Variants in RUNDC3B observed in about 807,000 individuals in gnomAD.
RUNDC3B encodes RUN domain-containing protein 3B.
Under a neutral mutation model 58.4 loss-of-function variants are expected in RUNDC3B, and 33 were observed. That is an observed-to-expected ratio of 0.56 (90% confidence interval 0.43 to 0.75). The LOEUF is 0.75. RUNDC3B is among the 30% of genes least tolerant of loss of function. The pLI, the probability that RUNDC3B is intolerant of heterozygous loss-of-function variation, is 0.00. For synonymous variants in RUNDC3B, 193 were observed against 195.2 expected, an observed-to-expected ratio of 0.99 and a Z score of 0.10; for missense variants, 501 against 535.7, an observed-to-expected ratio of 0.94 and a Z score of 0.64.
chr7:87,802,028 T>C (rs1238632292), intron 8 of RUNDC3B, among the ~76,000 whole-genome samples: 1 of 152,238 alleles, frequency 6.6e-6, no homozygotes, highest in Non-Finnish European at 1.5e-5. Flanking sequence ...CCTTGGTGTT[T>C]ATAATTAATC....
At chr7:87,786,297 A>G (rs187272861) in intron 8 of RUNDC3B, among the ~76,000 whole-genome samples, 1 of 152,206 alleles carries the variant, frequency 6.6e-6, no homozygotes, top group African/African-American at 2.4e-5. Flanking sequence ...ATCATAGACT[A>G]AAAATCATCA....
intron 2 of RUNDC3B, among the ~76,000 whole-genome samples, chr7:87,698,677 G>C (rs1467602299): frequency 6.6e-6 from 1 of 152,150 alleles, no homozygotes; most frequent in African/African-American, 2.4e-5. Flanking sequence ...AGTGCCTACT[G>C]TGAGCCAAGT....
Position 87,741,584 on chromosome 7 carries a change from G to T in RUNDC3B, c.629+5G>T. The T allele has an allele frequency of 6.7e-7, 1 of 1,491,926 alleles. No individual in the cohort carries two copies. The highest frequency in any genetic ancestry group is 9.2e-7 in the Non-Finnish European group (1 of 1,084,678). 92.4% of individuals were successfully genotyped at this position (1,491,926 alleles called of 1,614,324 possible). On this transcript the variant is annotated splice_donor_5th_base_variant and intron_variant, in intron 6 of 10. Transcript: ENST00000394654. ...ATATTTGAAGTATATCCAAAGGTAT[G>T]TGACATTTTGAGATATGTTTTTTAA... is the stretch of plus-strand genomic sequence containing the variant.
chr7:87,811,092 T>A (rs1836689496), intron 9 of RUNDC3B, among the ~76,000 whole-genome samples: 1 of 152,184 alleles, frequency 6.6e-6, no homozygotes, highest in African/African-American at 2.4e-5. Context: ...CTAGGTCACA[T>A]GAGTTTGTTA....
chr7:87,662,083 C>T (rs1000849968), intron 2 of RUNDC3B, among the ~76,000 whole-genome samples: 1 of 151,872 alleles, frequency 6.6e-6, no homozygotes, highest in Non-Finnish European at 1.5e-5. Flanking sequence ...ATCTTTTGCC[C>T]ATTTTAAGTT....
At chr7:87,784,960 C>T (rs1398976997) in intron 8 of RUNDC3B, among the ~76,000 whole-genome samples, 1 of 152,078 alleles carries the variant, frequency 6.6e-6, no homozygotes, top group Non-Finnish European at 1.5e-5. Flanking sequence ...TGGGGACCCA[C>T]TGGTCCTCTG....
intron 6 of RUNDC3B, among the ~76,000 whole-genome samples, chr7:87,752,136 A>G (rs1056393076): frequency 7.2e-5 from 11 of 152,160 alleles, no homozygotes; most frequent in Non-Finnish European, 1.2e-4. Flanking sequence ...AGATAATCAT[A>G]TGGTTTTTGT....
At chr7:87,769,639 C>CT (rs566645877) in intron 6 of RUNDC3B, among the ~76,000 whole-genome samples, 151 of 150,816 alleles carry the variant, frequency 1.0e-3, no homozygotes, top group Non-Finnish European at 1.2e-3. Context: ...TATTTTTCTT[C>CT]TTTTTTTTTA....
chr7:87,781,717 C>T (rs1236058899), intron 8 of RUNDC3B, among the ~76,000 whole-genome samples: 1 of 151,994 alleles, frequency 6.6e-6, no homozygotes, highest in Non-Finnish European at 1.5e-5. Context: ...TTATCGAAAG[C>T]TTTTTCTATG....
chr7:87,793,779 T>G (rs2130910870), intron 8 of RUNDC3B, among the ~76,000 whole-genome samples: 1 of 152,190 alleles, frequency 6.6e-6, no homozygotes, highest in East Asian at 1.9e-4. Context: ...GGAGCACACA[T>G]GAATATTTAC....
Position 87,678,641 on chromosome 7 carries a change from A to G in RUNDC3B, c.239-21780A>G, listed in dbSNP as rs1037075883. On this transcript the variant is annotated intron_variant, in intron 2 of 10. Coordinates refer to ENST00000394654, the MANE Select transcript of RUNDC3B (RefSeq NM_001134405.2). ...TATAAATGGCCTAAGCACTCCAATT[A>G]AAAGAGATTTTTTGACTGGGTAAAA... Among the ~76,000 whole-genome samples, 47 of 152,320 alleles carry G rather than the reference A, an allele frequency of 3.1e-4. No homozygotes were observed. In the East Asian group the frequency reaches 5.0e-3, roughly 16 times the overall value.
chr7:87,695,372 CT>C (rs1651030888), intron 2 of RUNDC3B, among the ~76,000 whole-genome samples: 1 of 151,978 alleles, frequency 6.6e-6, no homozygotes, highest in Non-Finnish European at 1.5e-5. Flanking sequence ...ATTAAACTGG[CT>C]TTTATAAATT....
intron 8 of RUNDC3B, among the ~76,000 whole-genome samples, chr7:87,786,717 AT>A (rs778650567): frequency 9.1e-4 from 138 of 152,218 alleles, no homozygotes; most frequent in South Asian, 3.3e-3. Context: ...AGATGTTTTC[AT>A]TTTAAGAATT....
intron 7 of RUNDC3B, among the ~76,000 whole-genome samples, chr7:87,774,853 C>G (rs932956760): frequency 3.9e-5 from 6 of 151,990 alleles, no homozygotes; most frequent in African/African-American, 1.4e-4. Context: ...AGTGATGTAG[C>G]CGTGATGATG....
chr7:87,746,005 ATTG>A (rs202052840), intron 6 of RUNDC3B, among the ~76,000 whole-genome samples: 2,372 of 152,086 alleles, frequency 0.016, 39 homozygotes, highest in South Asian at 0.023. Flanking sequence ...TTGTGTCATT[ATTG>A]TTGTTCAGTT....
chr7:87,784,128 C>G (rs1835084070), intron 8 of RUNDC3B, among the ~76,000 whole-genome samples: 1 of 152,184 alleles, frequency 6.6e-6, no homozygotes, highest in African/African-American at 2.4e-5. Context: ...TCATTCAACT[C>G]TTAGATCATT....
Position 87,725,584 on chromosome 7 carries a change from A to G in RUNDC3B, c.459-14207A>G, listed in dbSNP as rs574910264. Among the ~76,000 whole-genome samples the G allele has an allele frequency of 6.6e-5, 10 of 152,322 alleles. No individual in the cohort carries two copies. The East Asian group carries it at 1.9e-3, about 29-fold the overall frequency. ...ATGTGTCTTTATAGCAGCATGATTT[A>G]TAATCCTTTGGGTATATACCCAGTA... On this transcript the variant is annotated intron_variant, in intron 4 of 10. Coordinates refer to ENST00000394654, the MANE Select transcript of RUNDC3B (RefSeq NM_001134405.2).
intron 8 of RUNDC3B, among the ~76,000 whole-genome samples, chr7:87,792,704 A>C (rs1584222514): frequency 6.6e-6 from 1 of 152,250 alleles, no homozygotes; most frequent in East Asian, 1.9e-4. Flanking sequence ...GGATACACTG[A>C]AAGCAGTCCT....
At chr7:87,795,464 A>G (rs1427593270) in intron 8 of RUNDC3B, among the ~76,000 whole-genome samples, 1 of 152,252 alleles carries the variant, frequency 6.6e-6, no homozygotes, top group African/African-American at 2.4e-5. Context: ...CTTCTATCCA[A>G]AAGATAGGCA....
Sources: gnomAD v4.1 joint callset for allele counts (sites outside exome capture counted in the v4.1 genomes callset) on GRCh38, gnomAD v4.1.1 for gene constraint, MANE v1.5 for transcripts, NCBI Gene and HGNC (gene_info 2026-07-23, HGNC 2026-07-21) for gene names.